GABRA3: variants seen among roughly 807,000 people sequenced by gnomAD.
GABRA3 encodes the protein gamma-aminobutyric acid type A receptor subunit alpha3.
Under a neutral mutation model 30.1 loss-of-function variants are expected in GABRA3, and 10 were observed. That is an observed-to-expected ratio of 0.33 (90% CI 0.20 to 0.56). The LOEUF is 0.56. GABRA3 is among the 20% of genes least tolerant of loss of function. The pLI is 0.89. For synonymous variants in GABRA3, 151 were observed against 146.8 expected (o/e 1.03, Z -0.21); for missense variants, 233 against 392.0 (o/e 0.59, Z 3.42).
chrX:152,430,971 C>CA (rs1239955030), intron 1 of GABRA3, among the ~76,000 whole-genome samples: 42 of 108,233 alleles, frequency 3.9e-4, no homozygotes, highest in African/African-American at 1.0e-3. Flanking sequence ...TGAAATAATT[C>CA]AAAAAAAAAT....
chrX:152,344,976 T>C (rs893108639), intron 3 of GABRA3, among the ~76,000 whole-genome samples: 2 of 111,967 alleles, frequency 1.8e-5, no homozygotes, highest in African/African-American at 6.5e-5. Flanking sequence ...TATTATAATA[T>C]ATTTACCTTA....
chrX:152,438,256 A>T (rs1188128392), intron 1 of GABRA3, among the ~76,000 whole-genome samples: 1 of 112,100 alleles, frequency 8.9e-6, no homozygotes, highest in Non-Finnish European at 1.9e-5. Context: ...GCAACAATGA[A>T]GTATCACTAC....
chrX:152,416,278 T>G (rs1332367673), intron 1 of GABRA3, among the ~76,000 whole-genome samples: 1 of 95,115 alleles, frequency 1.1e-5, no homozygotes, highest in East Asian at 3.3e-4. Context: ...CACAATTGCT[T>G]CAAAGAGAAT....
intron 3 of GABRA3, among the ~76,000 whole-genome samples, chrX:152,298,361 C>G (rs1283814119): frequency 1.8e-5 from 2 of 108,634 alleles, no homozygotes; most frequent in African/African-American, 6.9e-5. Flanking sequence ...TCTCCTAATG[C>G]TATCCCTCCC....
chrX:152,288,477 G>C (rs749817231), intron 3 of GABRA3, among the ~76,000 whole-genome samples: 2 of 112,422 alleles, frequency 1.8e-5, no homozygotes, highest in Non-Finnish European at 3.8e-5. Context: ...AGTTAGAACA[G>C]ATTCAGAGTT....
chrX:152,342,107 G>A (rs1940323609), intron 3 of GABRA3, among the ~76,000 whole-genome samples: 1 of 111,842 alleles, frequency 8.9e-6, no homozygotes, highest in East Asian at 2.8e-4. Flanking sequence ...TCCTGACCTC[G>A]TGATCCGCCC....
chrX:152,214,315 A>G (rs1937676986), intron 6 of GABRA3, among the ~76,000 whole-genome samples: 1 of 111,229 alleles, frequency 9.0e-6, no homozygotes, highest in South Asian at 3.8e-4. Context: ...TATATATAGC[A>G]ATTTTCTTTA....
chrX:152,196,296 C>T (rs1156661559), intron 8 of GABRA3, among the ~76,000 whole-genome samples: 1 of 103,743 alleles, frequency 9.6e-6, no homozygotes, highest in East Asian at 3.0e-4. Flanking sequence ...ACTCGGGAGG[C>T]TGAGGCAGGA....
chrX:152,248,812 C>T (rs1282744230), intron 5 of GABRA3, among the ~76,000 whole-genome samples: 2 of 111,768 alleles, frequency 1.8e-5, no homozygotes, highest in Non-Finnish European at 3.8e-5. Flanking sequence ...AAAATGCTGA[C>T]AGTGGATGTC....
intron 5 of GABRA3, among the ~76,000 whole-genome samples, 185 bp from the exon 6 acceptor site, chrX:152,225,030 A>G (rs923293271): frequency 9.0e-6 from 1 of 110,625 alleles, no homozygotes; most frequent in Non-Finnish European, 1.9e-5. Context: ...AGAGGCATTA[A>G]GTACTCATAT....
At chrX:152,418,063 T>C (rs368565312) in intron 1 of GABRA3, among the ~76,000 whole-genome samples, 1 of 109,829 alleles carries the variant, frequency 9.1e-6, no homozygotes, top group African/African-American at 3.3e-5. Flanking sequence ...AATGAAAAAA[T>C]AGATATTATA....
chrX:152,391,330 G>A lies in GABRA3; in HGVS notation c.-26-26734C>T, dbSNP rs147896473. Among the ~76,000 whole-genome samples the A allele has an allele frequency of 6.9e-3, 769 of 111,624 alleles. 11 individuals are homozygous for A. The highest frequency in any genetic ancestry group is 0.023 in the African/African-American group (713 of 30,760). ...ATATATGAGCAGAAATTCCTTACGCGTGCTCAGTCTACCATGGAGAATGAG... is the reference window on the plus strand; with the variant it reads ...ATATATGAGCAGAAATTCCTTACGCATGCTCAGTCTACCATGGAGAATGAG... On this transcript the variant is annotated intron_variant, in intron 1 of 9. Coordinates refer to ENST00000370314, the MANE Select transcript of GABRA3 (RefSeq NM_000808.4).
chrX:152,443,413 G>C (rs1166190110), intron 1 of GABRA3, among the ~76,000 whole-genome samples: 1 of 111,996 alleles, frequency 8.9e-6, no homozygotes, highest in Non-Finnish European at 1.9e-5. Context: ...CCTTCACATA[G>C]ATATCAAGAG....
rs962325464 is a variant in GABRA3 at position 152,342,401 on chromosome X, A to C, written c.262+3180T>G. ...TTTTCTGCCCCCTTCAGATAATCCC[A>C]TTACAGTTACATTAGACTACATGAA... On this transcript the variant is annotated intron_variant, in intron 3 of 9. Coordinates refer to ENST00000370314, the MANE Select transcript of GABRA3 (RefSeq NM_000808.4). Among the ~76,000 whole-genome samples the C allele has an allele frequency of 8.9e-5, 10 of 112,071 alleles. No individual in the cohort carries two copies. In the Admixed American group the frequency reaches 9.5e-4, roughly 11 times the overall value.
At chrX:152,232,461 A>C (rs1444129895) in intron 5 of GABRA3, among the ~76,000 whole-genome samples, 1 of 109,428 alleles carries the variant, frequency 9.1e-6, no homozygotes, top group Non-Finnish European at 1.9e-5. Context: ...TCCACTCTCT[A>C]TGTCGATGTG....
intron 5 of GABRA3, among the ~76,000 whole-genome samples, chrX:152,241,994 C>T (rs1008686096): frequency 1.7e-4 from 19 of 111,708 alleles, no homozygotes; most frequent in South Asian, 7.6e-4. Flanking sequence ...AGCTGTAGAC[C>T]GGAGCTGTTC....
At position 152,396,008 on chromosome X, in the gene GABRA3, A is replaced by G. The variant is rs749359916; in HGVS notation, c.-26-31412T>C. Among the ~76,000 whole-genome samples, 525 of 112,406 alleles carry G rather than the reference A, an allele frequency of 4.7e-3. 5 individuals carry two copies. The highest frequency in any genetic ancestry group is 0.016 in the African/African-American group (501 of 30,989). ...TCTACAAAAGAGGGGCACTGAAGTT[A>G]TAACTCCCAGTACCTGTGGATGTGA... On this transcript the variant is annotated intron_variant, in intron 1 of 9. Transcript: ENST00000370314.
chrX:152,426,840 AT>A (rs1454712487), intron 1 of GABRA3, among the ~76,000 whole-genome samples: 1 of 111,976 alleles, frequency 8.9e-6, no homozygotes. Flanking sequence ...ATACAACAAT[AT>A]TTTTTATGCC....
At chrX:152,390,605 A>C (rs1458769578) in intron 1 of GABRA3, among the ~76,000 whole-genome samples, 2 of 111,818 alleles carry the variant, frequency 1.8e-5, no homozygotes, top group African/African-American at 6.5e-5. Flanking sequence ...CCTATAGATG[A>C]CATCAAGGCA....
Sources: allele counts gnomAD v4.1 joint callset (sites outside exome capture counted in the v4.1 genomes callset), GRCh38; gene constraint gnomAD v4.1.1; transcripts MANE v1.5; gene names NCBI Gene and HGNC (gene_info 2026-07-23, HGNC 2026-07-21).